The following CTNNA3 variants were observed in gnomAD, a reference collection of about 807,000 sequenced individuals.
CTNNA3 encodes the protein catenin alpha-3.
A neutral mutation model predicts 95.7 loss-of-function variants in CTNNA3; 76 were observed. That is an observed-to-expected ratio of 0.79 (90% confidence interval 0.66 to 0.96). The LOEUF (loss-of-function observed/expected upper bound fraction) is 0.96, where lower values mean the gene tolerates loss of function less well. Among genes scored for constraint, CTNNA3 ranks in the 40% least tolerant of loss-of-function variants. The pLI is 0.00. For missense variants in CTNNA3, 1,191 were observed against 1,089.8 expected, an observed-to-expected ratio of 1.09 and a Z score of -1.31; for synonymous variants, 431 against 374.4, an observed-to-expected ratio of 1.15 and a Z score of -1.74.
At chr10:66,728,360 C>A (rs1848843635) in intron 9 of CTNNA3, among the ~76,000 whole-genome samples, 1 of 152,130 alleles carries the variant, frequency 6.6e-6, no homozygotes, top group African/African-American at 2.4e-5. Context: ...ATTGTAAAAA[C>A]TTTCTCCCAT....
At chr10:67,641,310 C>A (rs1373268151) in intron 2 of CTNNA3, among the ~76,000 whole-genome samples, 1 of 152,054 alleles carries the variant, frequency 6.6e-6, no homozygotes, top group Non-Finnish European at 1.5e-5. Context: ...CAATGAGATA[C>A]CATCTCACAC....
chr10:66,837,889 C>T lies in CTNNA3; in HGVS notation c.1048-62365G>A, dbSNP rs569992730. 1.3e-3 allele frequency among the ~76,000 whole-genome samples: 201 copies of T among 152,110 alleles called. 1 individual carries two copies. Among genetic ancestry groups the T allele is most frequent in the African/African-American group, 4.8e-3 (199 of 41,516 alleles). On this transcript the variant is annotated intron_variant, in intron 7 of 17. Transcript: ENST00000433211. ...ACTATAAATATCCCTAATTCTCTGCCGCCACTTGTCCATGTCTCTGTCTAC... is the reference window on the plus strand; with the variant it reads ...ACTATAAATATCCCTAATTCTCTGCTGCCACTTGTCCATGTCTCTGTCTAC...
chr10:67,385,642 C>T lies in CTNNA3; in HGVS notation c.579+136200G>A, dbSNP rs143037536. ...AATCATATATAGGAGAATTACCCAACTCTTCACCCTTTTTTTTCTCTTCCC... is the reference window on the plus strand; with the variant it reads ...AATCATATATAGGAGAATTACCCAATTCTTCACCCTTTTTTTTCTCTTCCC... On this transcript the variant is annotated intron_variant, in intron 5 of 17. Coordinates refer to ENST00000433211, the MANE Select transcript of CTNNA3 (RefSeq NM_013266.4). Among the ~76,000 whole-genome samples, 482 of 152,222 alleles carry T rather than the reference C, an allele frequency of 3.2e-3. 5 individuals are homozygous for T. The highest frequency in any genetic ancestry group is 0.011 in the African/African-American group (459 of 41,534).
intron 15 of CTNNA3, among the ~76,000 whole-genome samples, chr10:66,058,110 T>C (rs760710158): frequency 1.2e-4 from 19 of 152,194 alleles, no homozygotes; most frequent in Non-Finnish European, 2.4e-4. Context: ...AGAATATAAA[T>C]GTTTCACCTC....
chr10:67,340,129 G>C (rs546108104), intron 5 of CTNNA3, among the ~76,000 whole-genome samples: 69 of 152,200 alleles, frequency 4.5e-4, no homozygotes, highest in African/African-American at 1.7e-3. Context: ...AAGAATGCTT[G>C]GAATGTTTGC....
Position 66,354,198 on chromosome 10 carries a change from T to A in CTNNA3, c.1732+24954A>T, listed in dbSNP as rs970956986. ...ACTTGGGAGGCTGAGGCAGGGAGAA[T>A]CGCTTGAACCCGGGAGGTGGAGGTT... On this transcript the variant is annotated intron_variant, in intron 12 of 17. Coordinates refer to ENST00000433211, the MANE Select transcript of CTNNA3 (RefSeq NM_013266.4). Among the ~76,000 whole-genome samples the A allele has an allele frequency of 5.9e-5, 9 of 151,672 alleles. No homozygotes were observed. The East Asian group carries it at 1.6e-3, about 26-fold the overall frequency.
chr10:66,043,497 A>T (rs1383213240), intron 15 of CTNNA3, among the ~76,000 whole-genome samples: 1 of 152,204 alleles, frequency 6.6e-6, no homozygotes, highest in Non-Finnish European at 1.5e-5. Context: ...TTGCTATAAC[A>T]AATGAGCCAG....
At chr10:65,992,812 C>A (rs1343127220) in intron 15 of CTNNA3, among the ~76,000 whole-genome samples, 2 of 151,962 alleles carry the variant, frequency 1.3e-5, no homozygotes, top group Non-Finnish European at 2.9e-5. Context: ...TTTTCTAATT[C>A]CTTGATGTGC....
chr10:67,510,286 A>T (rs1019685505), intron 5 of CTNNA3, among the ~76,000 whole-genome samples: 2 of 152,062 alleles, frequency 1.3e-5, no homozygotes, highest in Admixed American at 6.6e-5. Flanking sequence ...GAATGGTATT[A>T]CCTAGGTTTT....
intron 9 of CTNNA3, among the ~76,000 whole-genome samples, chr10:66,638,989 G>C (rs79705739): frequency 0.011 from 1,735 of 151,934 alleles, 30 homozygotes; most frequent in African/African-American, 0.04. Context: ...TATGTGCAGA[G>C]AAATAAAAAT....
chr10:66,005,049 T>G (rs931163315), intron 15 of CTNNA3, among the ~76,000 whole-genome samples: 2 of 152,200 alleles, frequency 1.3e-5, no homozygotes, highest in Non-Finnish European at 2.9e-5. Context: ...CATTTTCAGC[T>G]TCTAGAAGCT....
At chr10:67,238,052 C>T (rs1243341899) in intron 5 of CTNNA3, among the ~76,000 whole-genome samples, 6 of 152,150 alleles carry the variant, frequency 3.9e-5, no homozygotes, top group South Asian at 2.1e-4. Context: ...TTTCAGCAAT[C>T]GTGGAAGTGG....
chr10:66,481,079 A>G (rs1237374977), intron 11 of CTNNA3, among the ~76,000 whole-genome samples: 1 of 152,202 alleles, frequency 6.6e-6, no homozygotes, highest in Non-Finnish European at 1.5e-5. Context: ...AGAAGAGAAC[A>G]TAGAAAAAAT....
At chr10:67,486,309 T>C (rs1300822589) in intron 5 of CTNNA3, among the ~76,000 whole-genome samples, 4 of 152,190 alleles carry the variant, frequency 2.6e-5, no homozygotes, top group African/African-American at 7.2e-5. Context: ...ATCTGGATTC[T>C]GATCTTCACC....
At chr10:67,228,237 T>G (rs1324615997) in intron 5 of CTNNA3, among the ~76,000 whole-genome samples, 3 of 152,012 alleles carry the variant, frequency 2.0e-5, no homozygotes, top group Non-Finnish European at 4.4e-5. Flanking sequence ...AAACAAAAAG[T>G]TAGTTTTTTT....
intron 11 of CTNNA3, among the ~76,000 whole-genome samples, chr10:66,466,194 A>G (rs1197616090): frequency 1.3e-5 from 2 of 151,466 alleles, no homozygotes; most frequent in Admixed American, 6.6e-5. Context: ...TGCAACATCA[A>G]CTCTTCCCTG....
chr10:67,731,082 C>G (rs958897439), intron 1 of CTNNA3, among the ~76,000 whole-genome samples: 5 of 152,038 alleles, frequency 3.3e-5, no homozygotes, highest in African/African-American at 1.2e-4. Context: ...ACTAAAAACT[C>G]AAGAAATAGT....
intron 17 of CTNNA3, among the ~76,000 whole-genome samples, chr10:65,941,683 G>T (rs1350995771): frequency 6.6e-6 from 1 of 152,104 alleles, no homozygotes; most frequent in Non-Finnish European, 1.5e-5. Flanking sequence ...TCCACTGACT[G>T]CTCCCTCCCC....
intron 16 of CTNNA3, among the ~76,000 whole-genome samples, chr10:65,981,428 C>T (rs1459129593): frequency 6.6e-6 from 1 of 151,856 alleles, no homozygotes; most frequent in Non-Finnish European, 1.5e-5. Flanking sequence ...CTTCCAAAAG[C>T]ATTCCACGAA....
Sources: allele counts gnomAD v4.1 joint callset (sites outside exome capture counted in the v4.1 genomes callset), GRCh38; gene constraint gnomAD v4.1.1; transcripts MANE v1.5; gene names NCBI Gene and HGNC (gene_info 2026-07-23, HGNC 2026-07-21).